The following TMEM181 variants were observed in gnomAD, a reference collection of about 807,000 sequenced individuals.
The protein encoded by TMEM181 is transmembrane protein 181, also known as G protein-coupled receptor 178.
TMEM181 carries 39 observed loss-of-function variants against 71.9 expected under a neutral mutation model. That is an observed-to-expected ratio of 0.54 (90% confidence interval 0.42 to 0.71). TMEM181 has a LOEUF of 0.71. Among genes scored for constraint, TMEM181 ranks in the 30% least tolerant of loss-of-function variants. The probability of loss-of-function intolerance (pLI) is 0.00; values close to 1 mark genes in which losing one functional copy is unlikely to be tolerated. For synonymous variants in TMEM181, 245 were observed against 228.8 expected (o/e 1.07, Z -0.64); for missense variants, 595 against 583.0 (o/e 1.02, Z -0.21).
At chr6:158,605,186 A>ATAAC in intron 6 of TMEM181, 81 bp from the exon 7 acceptor site, 1 of 1,051,636 alleles carries the variant, frequency 9.5e-7, no homozygotes, top group East Asian at 2.4e-5. Flanking sequence ...TCATCTAGAG[A>ATAAC]TAACTATTAG....
chr6:158,592,373 A>G (rs1784155033), intron 6 of TMEM181, among the ~76,000 whole-genome samples: 2 of 152,200 alleles, frequency 1.3e-5, no homozygotes, highest in Non-Finnish European at 2.9e-5. Flanking sequence ...GGCCGGGGGC[A>G]GTAGCTTATG....
chr6:158,547,281 CTAAAT>C (rs973909615), intron 1 of TMEM181, among the ~76,000 whole-genome samples: 21 of 152,142 alleles, frequency 1.4e-4, no homozygotes, highest in Non-Finnish European at 2.9e-4. Flanking sequence ...GACCCTGTCT[CTAAAT>C]AAATAAATAC....
chr6:158,597,411 C>G (rs1209130887), intron 6 of TMEM181, among the ~76,000 whole-genome samples: 5 of 152,156 alleles, frequency 3.3e-5, no homozygotes, highest in Admixed American at 1.3e-4. Flanking sequence ...TGTTCTCTGC[C>G]TTCCAGGATG....
intron 2 of TMEM181, among the ~76,000 whole-genome samples, chr6:158,578,454 C>T (rs917905021): frequency 6.6e-6 from 1 of 152,104 alleles, no homozygotes; most frequent in Non-Finnish European, 1.5e-5. Flanking sequence ...TGGTTTGTAA[C>T]TCCACATTTT....
chr6:158,541,900 T>TTTTTTTTTTG, intron 1 of TMEM181, among the ~76,000 whole-genome samples: 1 of 43,868 alleles, frequency 2.3e-5, no homozygotes, highest in African/African-American at 7.1e-5. Context: ...GATTTTATCT[T>TTTTTTTTTTG]TTTTTTTTTT....
intron 1 of TMEM181, among the ~76,000 whole-genome samples, chr6:158,549,037 AG>A (rs1781633887): frequency 6.6e-6 from 1 of 151,482 alleles, no homozygotes; most frequent in Admixed American, 6.6e-5. Context: ...AGAAACCAGC[AG>A]GGGCCACAGA....
In TMEM181 at chr6:158,585,346, A is replaced by G. The variant is rs745361509; in HGVS notation, c.302A>G (p.Asp101Gly). ...AGCTTTCCCATGACTGTTAAAGTCG[A>G]TGGTGTAGCTCAAGATGGAACCACG... Reference protein sequence around the residue: ...KTSFPMTVKVDGVAQDGTTMY... With the variant: ...KTSFPMTVKVGGVAQDGTTMY... The change falls in exon 5 of 17, where the codon GAT becomes GGT. Residue 101 changes from aspartate (D) to glycine (G), a missense_variant. Asp to Gly is a moderately conservative substitution (Grantham distance 94). Coordinates refer to ENST00000684151, the MANE Select transcript of TMEM181 (RefSeq NM_001376852.1). 13 of 1,609,590 alleles carry G rather than the reference A, an allele frequency of 8.1e-6. No homozygotes were observed. The South Asian group carries it at 1.2e-4, about 15-fold the overall frequency.
intron 10 of TMEM181, among the ~76,000 whole-genome samples, chr6:158,613,506 T>A (rs936579236): frequency 1.4e-5 from 2 of 147,446 alleles, no homozygotes; most frequent in Non-Finnish European, 3.0e-5. Flanking sequence ...CCTCTTGAGG[T>A]TTCAAGATAA....
chr6:158,621,570 C>G (rs13212824), intron 10 of TMEM181: 22,195 of 168,450 alleles, frequency 0.13, 1,592 homozygotes, highest in Non-Finnish European at 0.14. Flanking sequence ...GAGGCAGCTG[C>G]GCTTGCTGGG....
rs1284291430 is a variant in TMEM181 at position 158,620,356 on chromosome 6, A to G, written c.897-3194A>G. ...TCCCACTGGTCCTCTGAGGACTGGG[A>G]CGGCAGACCGAACTTTCTCAGGTAC... On this transcript the variant is annotated intron_variant, in intron 10 of 16. Transcript: ENST00000684151. The surrounding 1 kb of genome is among the most constrained non-coding windows in gnomAD (Gnocchi z 4.5). Among the ~76,000 whole-genome samples the G allele has an allele frequency of 6.6e-6, 1 of 152,082 alleles. No homozygotes were observed. The highest frequency in any genetic ancestry group is 2.4e-5 in the African/African-American group (1 of 41,402).
intron 2 of TMEM181, among the ~76,000 whole-genome samples, chr6:158,576,652 GTC>G (rs1218257097): frequency 6.6e-6 from 1 of 152,066 alleles, no homozygotes; most frequent in African/African-American, 2.4e-5. Flanking sequence ...CACAGAGACA[GTC>G]TATAACAACA....
intron 6 of TMEM181, among the ~76,000 whole-genome samples, chr6:158,598,842 T>G (rs1020648428): frequency 3.3e-5 from 5 of 151,872 alleles, no homozygotes; most frequent in African/African-American, 1.2e-4. Context: ...CCCAGATAAT[T>G]TTTTGTATTT....
chr6:158,558,505 A>G (rs954711103), upstream of TMEM181, among the ~76,000 whole-genome samples: 1 of 152,204 alleles, frequency 6.6e-6, no homozygotes, highest in Non-Finnish European at 1.5e-5. Flanking sequence ...ACATTTATGG[A>G]CAGAAAGTGG....
At chr6:158,542,763 C>T (rs1462398107) in intron 1 of TMEM181, among the ~76,000 whole-genome samples, 1 of 151,930 alleles carries the variant, frequency 6.6e-6, no homozygotes, top group Admixed American at 6.6e-5. Context: ...GACCACCACA[C>T]CTGGCTAATT....
intron 7 of TMEM181, among the ~76,000 whole-genome samples, chr6:158,606,177 G>GC (rs975628088): frequency 2.0e-5 from 3 of 151,412 alleles, no homozygotes; most frequent in African/African-American, 7.3e-5. Context: ...GGGCGCTAGA[G>GC]CCACAGGGAG....
chr6:158,626,799 A>ACTCACACCTCACTCATGCCTTCG, intron 13 of TMEM181: 1 of 455,060 alleles, frequency 2.2e-6, no homozygotes, highest in Non-Finnish European at 4.4e-6. Context: ...TCATGCCTTC[A>ACTCACACCTCACTCATGCCTTCG]CTCACAACTG....
chr6:158,543,653 C>G (rs993230031), intron 1 of TMEM181, among the ~76,000 whole-genome samples: 6 of 152,224 alleles, frequency 3.9e-5, no homozygotes, highest in African/African-American at 7.2e-5. Context: ...CGTCTTCCTT[C>G]TATGTGTGTT....
At chr6:158,596,317 G>A (rs981611415) in intron 6 of TMEM181, among the ~76,000 whole-genome samples, 4 of 152,200 alleles carry the variant, frequency 2.6e-5, no homozygotes, top group African/African-American at 9.7e-5. Context: ...ACGGCCGCAC[G>A]TTTCTTGAGA....
chr6:158,619,364 C>G (rs1215651716), intron 10 of TMEM181, among the ~76,000 whole-genome samples: 1 of 152,300 alleles, frequency 6.6e-6, no homozygotes, highest in East Asian at 1.9e-4. Flanking sequence ...AAGGTCTTCT[C>G]TGTGCTGTTT....
Sources: allele counts gnomAD v4.1 joint callset (sites outside exome capture counted in the v4.1 genomes callset), GRCh38; gene constraint gnomAD v4.1.1; non-coding constraint Gnocchi (gnomAD v3.1); transcripts MANE v1.5; gene names NCBI Gene and HGNC (gene_info 2026-07-23, HGNC 2026-07-21).